MTX3: variants seen among roughly 807,000 people sequenced by gnomAD.
MTX3 encodes metaxin 3.
A neutral mutation model predicts 42.5 loss-of-function variants in MTX3; 27 were observed. That is an observed-to-expected ratio of 0.64 (90% CI 0.47 to 0.88). MTX3 has a LOEUF of 0.88. MTX3 is among the 40% of genes least tolerant of loss of function. The probability of loss-of-function intolerance (pLI) is 0.00; values close to 1 mark genes in which losing one functional copy is unlikely to be tolerated. For missense variants in MTX3, 378 were observed against 367.0 expected (o/e 1.03, Z -0.25); for synonymous variants, 144 against 132.9 (o/e 1.08, Z -0.57).
In MTX3 at chr5:79,985,592, C is replaced by T. The variant is rs779703917; in HGVS notation, c.807G>A (p.Lys269=). 5.0e-6 allele frequency: 8 copies of T among 1,611,770 alleles called. No homozygotes were observed. The African/African-American group carries it at 5.3e-5, about 11-fold the overall frequency. ...TGACCTTTTCAATCAAGTTGGATTCCTTATTTACAAGTTGTGTGAGTTTCT... is the reference window on the plus strand; with the variant it reads ...TGACCTTTTCAATCAAGTTGGATTCTTTATTTACAAGTTGTGTGAGTTTCT... The part of the protein sequence containing the change: ...NLQKLTQLVN[K]ESNLIEKMDD... Residue 269 remains lysine (K), a synonymous_variant, in exon 8 of 9, where the codon AAG becomes AAA. Coordinates refer to ENST00000512528, the MANE Select transcript of MTX3 (RefSeq NM_001363818.2).
Position 79,977,315 on chromosome 5 carries a change from CATG to C in MTX3, c.*6366_*6368del, listed in dbSNP as rs1831272268. 2 of 152,216 alleles carry C rather than the reference CATG, an allele frequency of 1.3e-5. No homozygotes were observed. Among genetic ancestry groups the C allele is most frequent in the Non-Finnish European group, 2.9e-5 (2 of 68,042 alleles). The allele number at this position is 152,216 out of a possible 1,614,324, so 9.4% of individuals were successfully genotyped here. ...TGGCCCCATGACCTTCTCTATGGTT[CATG>C]ACTTACTGAGGGCTGATGCAAACTC... On this transcript the variant is annotated 3_prime_UTR_variant, in exon 9 of 9. Transcript: ENST00000512528.
Position 79,978,826 on chromosome 5 carries a change from C to A in MTX3, c.*4858G>T, listed in dbSNP as rs988380252. 2 of 152,554 alleles carry A rather than the reference C, an allele frequency of 1.3e-5. No homozygotes were observed. Among genetic ancestry groups the A allele is most frequent in the Non-Finnish European group, 2.9e-5 (2 of 68,038 alleles). 9.5% of individuals were successfully genotyped at this position (152,554 alleles called of 1,614,324 possible). Reference sequence around the variant, plus strand: ...CTTCAGGAACTGCTTCACCCAGAACCAAACAGGTGAGTTTTAAAAAATATT... The same window carrying A: ...CTTCAGGAACTGCTTCACCCAGAACAAAACAGGTGAGTTTTAAAAAATATT... On this transcript the variant is annotated 3_prime_UTR_variant, in exon 9 of 9. Coordinates refer to ENST00000512528, the MANE Select transcript of MTX3 (RefSeq NM_001363818.2).
intron 3 of MTX3, 105 bp downstream of exon 3, chr5:79,990,055 C>A: frequency 1.7e-6 from 1 of 573,240 alleles, no homozygotes; most frequent in South Asian, 3.3e-5. Context: ...CCAGGTATCT[C>A]CAATTGTCTA....
chr5:79,985,657 T>G lies in MTX3; in HGVS notation c.742A>C (p.Ile248Leu). 6.2e-7 allele frequency: 1 copy of G among 1,609,182 alleles called. No individual in the cohort carries two copies. Among genetic ancestry groups the G allele is most frequent in the Non-Finnish European group, 8.5e-7 (1 of 1,176,244 alleles). ...ACCGTTTCTTGTCCAGCTGGAGAGATGCCTAAGAAGCCAGGACAGAAATCA... is the reference window on the plus strand; with the variant it reads ...ACCGTTTCTTGTCCAGCTGGAGAGAGGCCTAAGAAGCCAGGACAGAAATCA... ...SSYFRLSLGG[I>L]SPAGQETVDA... The change falls in exon 8 of 9, where the codon ATC (isoleucine) becomes CTC (leucine). Residue 248 changes from isoleucine to leucine, a missense_variant and splice_region_variant. Transcript: ENST00000512528.
chr5:79,988,386 T>C, intron 5 of MTX3, 71 bp from the exon 6 acceptor site: 1 of 1,527,852 alleles, frequency 6.5e-7, no homozygotes, highest in Admixed American at 1.9e-5. Context: ...AAGGCATCTC[T>C]AGGTAAACTC....
In MTX3 at chr5:79,983,653, G is replaced by A. The variant is rs776322384; in HGVS notation, c.*31C>T. ...GGTGTAAGAGATTACTGCAACAATC[G>A]TTTGACTTTGGCCACAAACCATGAC... is the stretch of plus-strand genomic sequence containing the variant. On this transcript the variant is annotated 3_prime_UTR_variant, in exon 9 of 9. Transcript: ENST00000512528. 55 of 1,486,578 alleles carry A rather than the reference G, an allele frequency of 3.7e-5. No homozygotes were observed. The South Asian group carries it at 5.1e-4, about 14-fold the overall frequency. The allele number at this position is 1,486,578 out of a possible 1,614,324, so 92.1% of individuals were successfully genotyped here. A position where few individuals can be genotyped will look rare whatever the true frequency, so the allele number is the denominator to read the frequency against.
At position 79,978,789 on chromosome 5, in the gene MTX3, G is replaced by A. The variant is rs886772049; in HGVS notation, c.*4895C>T. On this transcript the variant is annotated 3_prime_UTR_variant, in exon 9 of 9. Coordinates refer to ENST00000512528, the MANE Select transcript of MTX3 (RefSeq NM_001363818.2). Reference sequence around the variant, plus strand: ...CTCTATTCTCCTAACAATATATTCTGACAAAACACTCCTTCAGGAACTGCT... The same window carrying A: ...CTCTATTCTCCTAACAATATATTCTAACAAAACACTCCTTCAGGAACTGCT... 79 of 152,420 alleles carry A rather than the reference G, an allele frequency of 5.2e-4. No individual in the cohort carries two copies. The highest frequency in any genetic ancestry group is 1.8e-3 in the African/African-American group (75 of 41,392). The allele number at this position is 152,420 out of a possible 1,614,324, so 9.4% of individuals were successfully genotyped here.
chr5:79,990,548 GA>G (rs369923276), intron 2 of MTX3, 45 bp downstream of exon 2: 55 of 1,250,286 alleles, frequency 4.4e-5, no homozygotes, highest in Non-Finnish European at 4.9e-5. Flanking sequence ...AATGGAAGAA[GA>G]AAAAAAAGAG....
intron 5 of MTX3, 44 bp downstream of exon 5, chr5:79,988,418 C>T: frequency 1.3e-6 from 2 of 1,582,922 alleles, no homozygotes; most frequent in Non-Finnish European, 1.7e-6. Context: ...TTATCTTGTC[C>T]TTTCTCTCTA....
chr5:79,987,338 G>A (rs577845622), intron 6 of MTX3, among the ~76,000 whole-genome samples: 1 of 151,308 alleles, frequency 6.6e-6, no homozygotes, highest in South Asian at 2.1e-4. Flanking sequence ...TACTTGGGAG[G>A]TTGAGGCAGG....
At chr5:79,991,136 C>G in intron 1 of MTX3, 22 bp downstream of exon 1, 1 of 1,545,866 alleles carries the variant, frequency 6.5e-7, no homozygotes, top group Non-Finnish European at 8.7e-7. Context: ...CTCCTGCGCC[C>G]TGGCCCGCGA....
chr5:79,981,320 A>G lies in MTX3; in HGVS notation c.*2364T>C, dbSNP rs1449870292. 1 of 152,204 alleles carries G rather than the reference A, an allele frequency of 6.6e-6. No homozygotes were observed. The highest frequency in any genetic ancestry group is 1.5e-5 in the Non-Finnish European group (1 of 68,028). 9.4% of individuals were successfully genotyped at this position (152,204 alleles called of 1,614,324 possible). A position where few individuals can be genotyped will look rare whatever the true frequency, so the allele number is the denominator to read the frequency against. On this transcript the variant is annotated 3_prime_UTR_variant, in exon 9 of 9. Coordinates refer to ENST00000512528, the MANE Select transcript of MTX3 (RefSeq NM_001363818.2). ...GTAACCCAACATATAAACTCTCACT[A>G]AACTCACATGTTGCATCTTAGAAAA...
At chr5:79,985,464 C>T (rs768214951) in intron 8 of MTX3, 107 bp downstream of exon 8, 1 of 741,226 alleles carries the variant, frequency 1.3e-6, no homozygotes, top group Non-Finnish European at 2.3e-6. Context: ...AAAACAAACT[C>T]TATAAAAAAA....
chr5:79,985,513 T>C (rs1831469647), intron 8 of MTX3, 58 bp downstream of exon 8: 11 of 1,159,778 alleles, frequency 9.5e-6, no homozygotes, highest in Middle Eastern at 2.0e-4. Context: ...CAAATGACAA[T>C]ATTAGCTACC....
In MTX3 at chr5:79,984,623, GA is replaced by G. The variant is rs566204923; in HGVS notation, c.829-830del. 5.5e-3 allele frequency among the ~76,000 whole-genome samples: 754 copies of G among 137,780 alleles called. 5 individuals carry two copies. Among genetic ancestry groups the G allele is most frequent in the African/African-American group, 0.017 (624 of 37,396 alleles). 90.4% of individuals were successfully genotyped at this position (137,780 alleles called of 152,430 possible). A position where few individuals can be genotyped will look rare whatever the true frequency, so the allele number is the denominator to read the frequency against. On this transcript the variant is annotated intron_variant, in intron 8 of 8. Coordinates refer to ENST00000512528, the MANE Select transcript of MTX3 (RefSeq NM_001363818.2). ...TAGTAAGTATTACTATTTGTATCAG[GA>G]AAAAAAAAAAAAGCAAGCTTATCAG...
intron 8 of MTX3, among the ~76,000 whole-genome samples, chr5:79,984,074 AACTT>A (rs1423455318): frequency 6.6e-6 from 1 of 152,196 alleles, no homozygotes; most frequent in Non-Finnish European, 1.5e-5. Flanking sequence ...ACTCAACCAT[AACTT>A]AAAGAGGTCT....
chr5:79,982,124 A>G lies in MTX3; in HGVS notation c.*1560T>C, dbSNP rs1358892509. 1 of 180,690 alleles carries G rather than the reference A, an allele frequency of 5.5e-6. No homozygotes were observed. Among genetic ancestry groups the G allele is most frequent in the Admixed American group, 5.9e-5 (1 of 17,002 alleles). The allele number at this position is 180,690 out of a possible 1,614,324, so 11.2% of individuals were successfully genotyped here. ...ATCTGCCTTTGAAGATGACTGACAC[A>G]CACAAACACACACACACACACCCTG... On this transcript the variant is annotated 3_prime_UTR_variant, in exon 9 of 9. Transcript: ENST00000512528.
At chr5:79,984,847 A>T (rs886261135) in intron 8 of MTX3, among the ~76,000 whole-genome samples, 2 of 152,232 alleles carry the variant, frequency 1.3e-5, no homozygotes, top group African/African-American at 4.8e-5. Context: ...AAGGAGAAAA[A>T]AATAAAACTT....
Position 79,977,865 on chromosome 5 carries a change from A to T in MTX3, c.*5819T>A. 1 of 152,256 alleles carries T rather than the reference A, an allele frequency of 6.6e-6. No individual in the cohort carries two copies. Among genetic ancestry groups the T allele is most frequent in the Admixed American group, 6.5e-5 (1 of 15,284 alleles). The allele number at this position is 152,256 out of a possible 1,614,324, so 9.4% of individuals were successfully genotyped here. A position where few individuals can be genotyped will look rare whatever the true frequency, so the allele number is the denominator to read the frequency against. On this transcript the variant is annotated 3_prime_UTR_variant, in exon 9 of 9. Coordinates refer to ENST00000512528, the MANE Select transcript of MTX3 (RefSeq NM_001363818.2). The stretch of plus-strand genomic sequence containing the variant: ...TGTATGTGACTTTAGTGTCATAAAC[A>T]CCCATTGCCTTTTTGGCACTTTTAA...
Sources: allele counts gnomAD v4.1 joint callset (sites outside exome capture counted in the v4.1 genomes callset), GRCh38; gene constraint gnomAD v4.1.1; transcripts MANE v1.5; gene names NCBI Gene and HGNC (gene_info 2026-07-23, HGNC 2026-07-21).